LINGO2: variants seen among roughly 807,000 people sequenced by gnomAD.
LINGO2 encodes leucine rich repeat and Ig domain containing 2.
A neutral mutation model predicts 30.6 loss-of-function variants in LINGO2; 14 were observed. That is an observed-to-expected ratio of 0.46 (90% confidence interval 0.30 to 0.72). LINGO2 has a LOEUF of 0.72. Ranked by LOEUF, LINGO2 falls within the 30% of genes least tolerant of loss-of-function variation. The pLI, the probability that LINGO2 is intolerant of heterozygous loss-of-function variation, is 0.07. For synonymous variants in LINGO2, 317 were observed against 288.5 expected (o/e 1.10, Z -1.00); for missense variants, 729 against 751.7 (o/e 0.97, Z 0.35).
At chr9:28,826,149 C>T in the LINGO2 span, among the ~76,000 whole-genome samples, 3 of 152,212 alleles carry the variant, frequency 2.0e-5, no homozygotes, top group South Asian at 2.1e-4. Context: ...TCAGAACCAA[C>T]CCAGACTGTG....
At chr9:28,169,518 T>A (rs1185329662) in intron 4 of LINGO2, among the ~76,000 whole-genome samples, 1 of 152,198 alleles carries the variant, frequency 6.6e-6, no homozygotes, top group Non-Finnish European at 1.5e-5. Context: ...TTTAAAAATA[T>A]TCACTAACGT....
chr9:28,118,104 G>T (rs534869764), intron 4 of LINGO2, among the ~76,000 whole-genome samples: 1 of 152,092 alleles, frequency 6.6e-6, no homozygotes, highest in Non-Finnish European at 1.5e-5. Context: ...GGGAGGGAGA[G>T]TATTAGAAAG....
chr9:28,313,656 G>A (rs1296283255), intron 3 of LINGO2, among the ~76,000 whole-genome samples: 1 of 152,096 alleles, frequency 6.6e-6, no homozygotes, highest in Non-Finnish European at 1.5e-5. Context: ...AACTTATTCT[G>A]TATCAAATTC....
At chr9:28,409,173 C>G (rs920039942) in intron 2 of LINGO2, among the ~76,000 whole-genome samples, 2 of 151,934 alleles carry the variant, frequency 1.3e-5, no homozygotes, top group African/African-American at 2.4e-5. Context: ...TTCCTGAGAA[C>G]AAGTGAAAAA....
At chr9:28,088,488 C>T (rs1825979397) in intron 4 of LINGO2, among the ~76,000 whole-genome samples, 1 of 151,984 alleles carries the variant, frequency 6.6e-6, no homozygotes, top group South Asian at 2.1e-4. Flanking sequence ...TGGTTTTCTT[C>T]CCTCATCCCT....
the LINGO2 span, among the ~76,000 whole-genome samples, chr9:28,970,704 G>A: frequency 6.6e-6 from 1 of 152,088 alleles, no homozygotes; most frequent in Non-Finnish European, 1.5e-5. Context: ...AGCCAAAAGG[G>A]AATTGCCAAT....
At chr9:28,510,993 T>C (rs1820361826) in intron 1 of LINGO2, among the ~76,000 whole-genome samples, 1 of 152,028 alleles carries the variant, frequency 6.6e-6, no homozygotes, top group Non-Finnish European at 1.5e-5. Context: ...CTTGTTTTTT[T>C]GCCTCCTTTA....
intron 4 of LINGO2, among the ~76,000 whole-genome samples, chr9:28,266,875 T>C (rs1822769514): frequency 6.6e-6 from 1 of 152,010 alleles, no homozygotes; most frequent in South Asian, 2.1e-4. Flanking sequence ...AGCATGTACA[T>C]CATTATTCCA....
At chr9:29,067,713 C>T in the LINGO2 span, among the ~76,000 whole-genome samples, 1 of 148,398 alleles carries the variant, frequency 6.7e-6, no homozygotes, top group South Asian at 2.1e-4. Context: ...ACAATTCCTA[C>T]CATATAAGAT....
intron 1 of LINGO2, among the ~76,000 whole-genome samples, chr9:28,652,921 T>C (rs1406777662): frequency 1.3e-5 from 2 of 152,052 alleles, no homozygotes; most frequent in Non-Finnish European, 2.9e-5. Flanking sequence ...AGGGTTGGGA[T>C]ATATATTGAA....
chr9:28,836,638 A>T, the LINGO2 span, among the ~76,000 whole-genome samples: 1 of 151,892 alleles, frequency 6.6e-6, no homozygotes, highest in East Asian at 1.9e-4. Context: ...TTAATTTTTT[A>T]AAATTTTTAT....
intron 1 of LINGO2, among the ~76,000 whole-genome samples, chr9:28,482,665 T>C (rs1331233614): frequency 6.6e-6 from 1 of 152,124 alleles, no homozygotes; most frequent in Non-Finnish European, 1.5e-5. Flanking sequence ...TTTGTTGCCA[T>C]TGCTTTTGGT....
the LINGO2 span, among the ~76,000 whole-genome samples, chr9:29,068,957 C>T: frequency 6.6e-6 from 1 of 151,848 alleles, no homozygotes; most frequent in Non-Finnish European, 1.5e-5. Flanking sequence ...ATAAACATAT[C>T]TAGAACCAAA....
chr9:29,191,357 T>C, the LINGO2 span, among the ~76,000 whole-genome samples: 1 of 152,192 alleles, frequency 6.6e-6, no homozygotes, highest in Admixed American at 6.5e-5. Context: ...TACATTTCAG[T>C]TCCAAATAGA....
At chr9:29,128,476 G>A in the LINGO2 span, among the ~76,000 whole-genome samples, 1 of 152,118 alleles carries the variant, frequency 6.6e-6, no homozygotes, top group Non-Finnish European at 1.5e-5. Flanking sequence ...ATATTGTTTG[G>A]AATCTGGAGT....
At chr9:27,987,200 A>C (rs1013932325) in intron 5 of LINGO2, among the ~76,000 whole-genome samples, 2 of 151,882 alleles carry the variant, frequency 1.3e-5, no homozygotes, top group Non-Finnish European at 2.9e-5. Flanking sequence ...AATATTCTTA[A>C]TAAGTAGCTA....
chr9:29,028,559 A>G, the LINGO2 span, among the ~76,000 whole-genome samples: 4 of 152,104 alleles, frequency 2.6e-5, no homozygotes, highest in Admixed American at 2.6e-4. Context: ...GGTAGAATGT[A>G]TTTATCCTCA....
At chr9:28,754,202 C>T in the LINGO2 span, among the ~76,000 whole-genome samples, 2 of 152,012 alleles carry the variant, frequency 1.3e-5, no homozygotes, top group African/African-American at 4.8e-5. Flanking sequence ...ATACAAGATT[C>T]TTCTTCCATT....
At chr9:28,157,526 G>A (rs1166275180) in intron 4 of LINGO2, among the ~76,000 whole-genome samples, 1 of 152,166 alleles carries the variant, frequency 6.6e-6, no homozygotes, top group South Asian at 2.1e-4. Flanking sequence ...CATTGTATTG[G>A]GGATTAACAT....
Sources: gnomAD v4.1 joint callset for allele counts (sites outside exome capture counted in the v4.1 genomes callset) on GRCh38, gnomAD v4.1.1 for gene constraint, MANE v1.5 for transcripts, NCBI Gene and HGNC (gene_info 2026-07-23, HGNC 2026-07-21) for gene names.